ADAMTS7: variants seen among roughly 807,000 people sequenced by gnomAD.
ADAMTS7 encodes ADAM metallopeptidase with thrombospondin type 1 motif 7, also known as A disintegrin and metalloproteinase with thrombospondin motifs 7.
ADAMTS7 carries 89 observed loss-of-function variants against 172.6 expected under a neutral mutation model. The ratio of observed to expected loss-of-function variants is 0.52; its 90% CI spans 0.43 to 0.61. ADAMTS7 has a LOEUF of 0.61. Among genes scored for constraint, ADAMTS7 ranks in the 20% least tolerant of loss-of-function variants. The pLI is 0.00. For synonymous variants in ADAMTS7, 885 were observed against 978.4 expected (o/e 0.90, Z 1.78); for missense variants, 1,973 against 2,355.6 (o/e 0.84, Z 3.36).
rs1341011225 is a variant in ADAMTS7 at position 78,759,598 on chromosome 15, A to G, written c.4904-20T>C. On this transcript the variant is annotated intron_variant, in intron 23 of 23. Transcript: ENST00000388820. ...CACAGCCTGGAGTGGGGGGGCAGAG[A>G]GGCATCAGAACCAGTAGCTTGGGGT... 4.5e-6 allele frequency: 7 copies of G among 1,564,556 alleles called. No individual in the cohort carries two copies. In the African/African-American group the frequency reaches 9.5e-5, roughly 21 times the overall value.
rs141817097 is a variant in ADAMTS7, at chr15:78,766,194, C to A, written c.3717G>T (p.Thr1239=). ...APHLPPRPSS[T]LPPLSPVGST... ...TGCCAACAGGGGACAAAGGGGGCAG[C>A]GTGGAGCTGGGTCTCGGGGGCAGGT... The change falls in exon 19 of 24, where the codon ACG becomes ACT. Residue 1239 remains threonine (T), a synonymous_variant. Transcript: ENST00000388820. The A allele has an allele frequency of 2.5e-6, 4 of 1,611,686 alleles. No homozygotes were observed. The East Asian group carries it at 8.9e-5, about 36-fold the overall frequency.
At chr15:78,809,701 C>T (rs1226894597) in intron 1 of ADAMTS7, among the ~76,000 whole-genome samples, 2 of 152,232 alleles carry the variant, frequency 1.3e-5, no homozygotes, top group African/African-American at 4.8e-5. Context: ...GAAGCATTTT[C>T]CTGCTCTCCC....
intron 4 of ADAMTS7, among the ~76,000 whole-genome samples, chr15:78,793,844 A>G (rs2055610893): frequency 6.6e-6 from 1 of 152,214 alleles, no homozygotes; most frequent in Non-Finnish European, 1.5e-5. Context: ...TAAGGGGCAC[A>G]GGGGACAGAA....
intron 1 of ADAMTS7, among the ~76,000 whole-genome samples, chr15:78,802,350 T>C (rs2141525104): frequency 6.6e-6 from 1 of 152,324 alleles, no homozygotes; most frequent in South Asian, 2.1e-4. Context: ...TTATGATTAT[T>C]ATTAGCCTGA....
intron 1 of ADAMTS7, among the ~76,000 whole-genome samples, chr15:78,803,125 A>G (rs1006121978): frequency 6.6e-6 from 1 of 152,090 alleles, no homozygotes; most frequent in Non-Finnish European, 1.5e-5. Context: ...ACTTTGGGAG[A>G]ATGAGATGGG....
At position 78,768,262 on chromosome 15, in the gene ADAMTS7, A is replaced by C. The variant is rs370716979; in HGVS notation, c.2519-3T>G. 6.2e-7 allele frequency: 1 copy of C among 1,610,390 alleles called. No individual in the cohort carries two copies. The highest frequency in any genetic ancestry group is 8.5e-7 in the Non-Finnish European group (1 of 1,179,522). On this transcript the variant is annotated splice_region_variant and splice_polypyrimidine_tract_variant and intron_variant, in intron 16 of 23. Transcript: ENST00000388820. ...GTACACATTCTGCCTCTGCACACCT[A>C]GGGGCCACGGGGCTCAGCCTGGGAC...
intron 1 of ADAMTS7, among the ~76,000 whole-genome samples, chr15:78,803,560 C>A (rs1320225275): frequency 6.6e-6 from 1 of 151,254 alleles, no homozygotes; most frequent in Non-Finnish European, 1.5e-5. Context: ...TCAAGCAATT[C>A]TTGTCTCTTA....
At chr15:78,806,203 C>A (rs1201236371) in intron 1 of ADAMTS7, among the ~76,000 whole-genome samples, 1 of 145,314 alleles carries the variant, frequency 6.9e-6, no homozygotes, top group Admixed American at 7.0e-5. Context: ...TGGCACAGTG[C>A]TGACAAGGTC....
intron 23 of ADAMTS7, among the ~76,000 whole-genome samples, chr15:78,761,089 C>T (rs377151252): frequency 6.6e-5 from 10 of 152,328 alleles, no homozygotes; most frequent in African/African-American, 2.2e-4. Flanking sequence ...TGGCTGGGTG[C>T]GTGCTGAGGG....
At chr15:78,761,775 T>G in intron 23 of ADAMTS7, 1 of 839,526 alleles carries the variant, frequency 1.2e-6, no homozygotes, top group Non-Finnish European at 1.4e-6. Flanking sequence ...CACGCACACA[T>G]GCTGGAGGCG....
In ADAMTS7 at chr15:78,763,787, C is replaced by T. The variant is rs191049501; in HGVS notation, c.4652G>A (p.Gly1551Asp). Reference protein sequence around the residue: ...QQRLVTCPEPGLCEEALRPNT... With the variant: ...QQRLVTCPEPDLCEEALRPNT... ...GGGTCTCAGCGCCTCCTCGCAGAGG[C>T]CTGGCTCCGGGCAGGTCACTAGACG... is the stretch of plus-strand genomic sequence containing the variant. Residue 1551 changes from glycine (G) to aspartate (D), a missense_variant, in exon 22 of 24, where the codon GGC (glycine) becomes GAC (aspartate). By Grantham distance (94) the Gly-to-Asp change is moderately conservative. Around this residue, in one of 8 missense-constraint regions of ADAMTS7, gnomAD observed 218 missense variants for 216.9 expected, o/e 1.01. Transcript: ENST00000388820. The T allele has an allele frequency of 1.3e-3, 2,071 of 1,591,210 alleles. 5 individuals are homozygous for T. Among genetic ancestry groups the T allele is most frequent in the Non-Finnish European group, 1.6e-3 (1,920 of 1,171,346 alleles).
rs1322722220 is a variant in ADAMTS7, at chr15:78,776,059, A to G, written c.1706+129T>C. 23 of 1,284,126 alleles carry G rather than the reference A, an allele frequency of 1.8e-5. No homozygotes were observed. The Admixed American group carries it at 6.4e-4, about 35-fold the overall frequency. 79.5% of individuals were successfully genotyped at this position (1,284,126 alleles called of 1,614,324 possible). On this transcript the variant is annotated intron_variant, in intron 11 of 23. Coordinates refer to ENST00000388820, the MANE Select transcript of ADAMTS7 (RefSeq NM_014272.5). The stretch of plus-strand genomic sequence containing the variant: ...GAAAGTGACTTAAGGTGGCCTGGAC[A>G]CTCGGACTGACCATTATCAGGACAC...
intron 1 of ADAMTS7, among the ~76,000 whole-genome samples, chr15:78,801,779 G>A (rs1291540025): frequency 2.0e-5 from 3 of 152,032 alleles, no homozygotes; most frequent in African/African-American, 7.2e-5. Flanking sequence ...CTGAGCTCGA[G>A]CCATCCTCCC....
At position 78,771,193 on chromosome 15, in the gene ADAMTS7, G is replaced by A. The variant is rs367559405; in HGVS notation, c.2487C>T (p.Pro829=). Residue 829 remains proline (P), a synonymous_variant, in exon 16 of 24, where the codon CCC becomes CCT. Transcript: ENST00000388820. This position sits in a 1 kb window ranked among gnomAD's most constrained non-coding sequence, Gnocchi z 4.9. The part of the protein sequence containing the change: ...PPPVFSWHYG[P]WTKCTVTCGR... Reference sequence around the variant, plus strand: ...CGCAGGTGACTGTGCACTTGGTCCAGGGCCCATAATGCCAGGAGAACACGG... The same window carrying A: ...CGCAGGTGACTGTGCACTTGGTCCAAGGCCCATAATGCCAGGAGAACACGG... The A allele has an allele frequency of 5.6e-6, 9 of 1,611,316 alleles. No homozygotes were observed. The highest frequency in any genetic ancestry group is 7.6e-6 in the Non-Finnish European group (9 of 1,179,498).
chr15:78,777,618 G>T (rs761987146), intron 8 of ADAMTS7, 30 bp from the exon 9 acceptor site: 2 of 1,586,500 alleles, frequency 1.3e-6, no homozygotes, highest in East Asian at 2.3e-5. Context: ...ATGGAGGGGG[G>T]CGCAGCCTGT....
intron 4 of ADAMTS7, among the ~76,000 whole-genome samples, chr15:78,794,803 C>T (rs1292472763): frequency 2.6e-5 from 4 of 152,180 alleles, no homozygotes; most frequent in Non-Finnish European, 2.9e-5. Flanking sequence ...CTGCAACCTT[C>T]GCCTCCCAGG....
At chr15:78,778,711 AC>A (rs1202132757) in intron 8 of ADAMTS7, among the ~76,000 whole-genome samples, 1 of 151,962 alleles carries the variant, frequency 6.6e-6, no homozygotes, top group Admixed American at 6.6e-5. Context: ...GGAGGCACAA[AC>A]CCTCCAGTTC....
At chr15:78,763,336 T>TA (rs956942511) in intron 22 of ADAMTS7, among the ~76,000 whole-genome samples, 16 of 152,190 alleles carry the variant, frequency 1.1e-4, no homozygotes, top group African/African-American at 3.9e-4. Flanking sequence ...AGGCCCCTCT[T>TA]ACGCCCCCTT....
chr15:78,811,057 A>T, intron 1 of ADAMTS7, 64 bp downstream of exon 1: 1 of 1,216,718 alleles, frequency 8.2e-7, no homozygotes, highest in Non-Finnish European at 1.0e-6. Context: ...GAGGGACAAA[A>T]CCGAGACTGG....
Sources: gnomAD v4.1 joint callset for allele counts (sites outside exome capture counted in the v4.1 genomes callset) on GRCh38, gnomAD v4.1.1 for gene constraint, gnomAD v4.1.1 regional missense constraint, Gnocchi (gnomAD v3.1) non-coding constraint, MANE v1.5 for transcripts, NCBI Gene and HGNC (gene_info 2026-07-23, HGNC 2026-07-21) for gene names.